CCDC192: variants seen among roughly 807,000 people sequenced by gnomAD.
The protein encoded by CCDC192 is coiled-coil domain containing 192, also known as coiled-coil domain-containing protein 192.
chr5:127,744,109 A>G (rs201469993), intron 2 of CCDC192, among the ~76,000 whole-genome samples: 43 of 128,246 alleles, frequency 3.4e-4, no homozygotes, highest in African/African-American at 7.4e-4. Flanking sequence ...AAAAAAAAAA[A>G]GGAAAAAAAA....
intron 2 of CCDC192, among the ~76,000 whole-genome samples, chr5:127,718,155 A>T (rs1358586297): frequency 6.6e-6 from 1 of 152,176 alleles, no homozygotes; most frequent in Admixed American, 6.5e-5. Context: ...GGGCAAGACG[A>T]CCTATTTCAT....
At chr5:127,828,750 A>G (rs961907695) in intron 5 of CCDC192, among the ~76,000 whole-genome samples, 4 of 152,164 alleles carry the variant, frequency 2.6e-5, no homozygotes, top group African/African-American at 9.7e-5. Flanking sequence ...GTCCATAGGA[A>G]TAGAGGTGAG....
chr5:127,821,759 G>A (rs1194074543), intron 5 of CCDC192, among the ~76,000 whole-genome samples: 1 of 152,102 alleles, frequency 6.6e-6, no homozygotes, highest in Non-Finnish European at 1.5e-5. Flanking sequence ...CCCTTTCCTA[G>A]TAGGTGACTA....
rs182011137 is a variant in CCDC192, at chr5:127,853,767, C to T, written c.412-21771C>T. On this transcript the variant is annotated intron_variant, in intron 5 of 6. Coordinates refer to ENST00000514853, the MANE Select transcript of CCDC192 (RefSeq NM_001317938.2). The stretch of plus-strand genomic sequence containing the variant: ...CAGCCTGGGTAACAGAGTGAAACTC[C>T]GTCTCAAAAAGCAAACAAACAAACA... Among the ~76,000 whole-genome samples the T allele has an allele frequency of 2.0e-5, 3 of 152,102 alleles. No individual in the cohort carries two copies. The East Asian group carries it at 5.8e-4, about 29-fold the overall frequency.
At chr5:127,772,496 C>T (rs565279780) in intron 3 of CCDC192, among the ~76,000 whole-genome samples, 45 of 151,340 alleles carry the variant, frequency 3.0e-4, no homozygotes, top group African/African-American at 9.9e-4. Flanking sequence ...CACCAAGATC[C>T]TTTGCTCTAC....
At chr5:127,794,360 T>C (rs1048356153) in intron 3 of CCDC192, among the ~76,000 whole-genome samples, 2 of 152,218 alleles carry the variant, frequency 1.3e-5, no homozygotes, top group Non-Finnish European at 2.9e-5. Flanking sequence ...TGATAAGTCA[T>C]ATAATTTTGT....
At chr5:127,862,960 C>T (rs920883348) in intron 5 of CCDC192, among the ~76,000 whole-genome samples, 2 of 147,148 alleles carry the variant, frequency 1.4e-5, no homozygotes, top group Non-Finnish European at 3.0e-5. Flanking sequence ...GAGGAAGGCT[C>T]TAAGTGAGAC....
chr5:127,735,718 G>A (rs1174339909), intron 2 of CCDC192, among the ~76,000 whole-genome samples: 2 of 129,230 alleles, frequency 1.5e-5, no homozygotes, highest in Non-Finnish European at 3.1e-5. Flanking sequence ...CTCATGATTT[G>A]GCTCTCTGTT....
At chr5:127,845,240 A>C (rs770621959) in intron 5 of CCDC192, among the ~76,000 whole-genome samples, 1 of 152,068 alleles carries the variant, frequency 6.6e-6, no homozygotes, top group Non-Finnish European at 1.5e-5. Flanking sequence ...TCTGGAGGAG[A>C]GTCAGGGAGT....
chr5:127,735,430 T>G (rs1376156047), intron 2 of CCDC192, among the ~76,000 whole-genome samples: 1 of 147,784 alleles, frequency 6.8e-6, no homozygotes, highest in Non-Finnish European at 1.5e-5. Flanking sequence ...TGGTTCCATA[T>G]GAACTTTAAA....
At chr5:127,761,976 C>G (rs533595705) in intron 3 of CCDC192, among the ~76,000 whole-genome samples, 1 of 152,164 alleles carries the variant, frequency 6.6e-6, no homozygotes, top group South Asian at 2.1e-4. Context: ...ACAAAGATAC[C>G]AGCAAATTTT....
chr5:127,717,928 C>CAAAAA, intron 2 of CCDC192, among the ~76,000 whole-genome samples: 5 of 98,070 alleles, frequency 5.1e-5, no homozygotes, highest in African/African-American at 7.8e-5. Flanking sequence ...TAAAGCTAGA[C>CAAAAA]AAAAAAAAAA....
At chr5:127,895,336 A>G (rs559360284) in intron 6 of CCDC192, among the ~76,000 whole-genome samples, 2 of 152,276 alleles carry the variant, frequency 1.3e-5, no homozygotes, top group Admixed American at 6.5e-5. Flanking sequence ...CTCTGGTCCA[A>G]ATTCATATTT....
At chr5:127,865,497 G>T (rs779382142) in intron 5 of CCDC192, among the ~76,000 whole-genome samples, 17 of 151,676 alleles carry the variant, frequency 1.1e-4, no homozygotes, top group Non-Finnish European at 2.1e-4. Context: ...TCAAGGACAG[G>T]TGCTTCAGGA....
Position 127,881,139 on chromosome 5 carries a change from A to G in CCDC192, c.535+5478A>G, listed in dbSNP as rs528753049. ...CCAGTGGTATAATTTCAGACCCCATAATAAATATTTCAGACCCCATGATAA... is the reference window on the plus strand; with the variant it reads ...CCAGTGGTATAATTTCAGACCCCATGATAAATATTTCAGACCCCATGATAA... On this transcript the variant is annotated intron_variant, in intron 6 of 6. Transcript: ENST00000514853. 2.0e-4 allele frequency among the ~76,000 whole-genome samples: 30 copies of G among 152,302 alleles called. No individual in the cohort carries two copies. In the South Asian group the frequency reaches 2.7e-3, roughly 14 times the overall value.
intron 3 of CCDC192, among the ~76,000 whole-genome samples, chr5:127,756,463 G>A (rs1580605435): frequency 6.6e-6 from 1 of 152,188 alleles, no homozygotes; most frequent in African/African-American, 2.4e-5. Flanking sequence ...CTCGAAGTTA[G>A]GTTTTCTTAA....
chr5:127,847,415 A>G (rs976469873), intron 5 of CCDC192, among the ~76,000 whole-genome samples: 2 of 152,202 alleles, frequency 1.3e-5, no homozygotes, highest in African/African-American at 4.8e-5. Context: ...TCTACTTTCA[A>G]AAGATATAGA....
At chr5:127,717,615 T>C (rs1160043771) in intron 2 of CCDC192, among the ~76,000 whole-genome samples, 3 of 152,070 alleles carry the variant, frequency 2.0e-5, no homozygotes, top group Non-Finnish European at 2.9e-5. Context: ...TTTATTTACC[T>C]TAATAATTTA....
chr5:127,791,627 G>T (rs952355640), intron 3 of CCDC192, among the ~76,000 whole-genome samples: 1 of 152,184 alleles, frequency 6.6e-6, no homozygotes, highest in Non-Finnish European at 1.5e-5. Flanking sequence ...AGAGACTTCA[G>T]TAACCATACA....
Sources: allele counts gnomAD v4.1 joint callset (sites outside exome capture counted in the v4.1 genomes callset), GRCh38; gene constraint gnomAD v4.1.1; transcripts MANE v1.5; gene names NCBI Gene and HGNC (gene_info 2026-07-23, HGNC 2026-07-21).